RAD51B: variants seen among roughly 807,000 people sequenced by gnomAD.
RAD51B encodes the protein DNA repair protein RAD51 homolog 2.
In RAD51B, 38 loss-of-function variants were observed where a neutral mutation model predicts 42.2. That is an observed-to-expected ratio of 0.90 (90% CI 0.70 to 1.18). The LOEUF is 1.18. Ranked by LOEUF, RAD51B falls within the 50% of genes most tolerant of loss-of-function variation. The pLI, the probability that RAD51B is intolerant of heterozygous loss-of-function variation, is 0.00. For synonymous variants in RAD51B, 154 were observed against 145.2 expected, an observed-to-expected ratio of 1.06 and a Z score of -0.43; for missense variants, 373 against 400.7, an observed-to-expected ratio of 0.93 and a Z score of 0.59.
intron 8 of RAD51B, among the ~76,000 whole-genome samples, chr14:68,309,369 G>A (rs1291731918): frequency 6.6e-6 from 1 of 152,174 alleles, no homozygotes; most frequent in Non-Finnish European, 1.5e-5. Context: ...AGTGAAATGA[G>A]CCACAGAGGC....
At chr14:67,929,810 T>TG (rs1438259785) in intron 7 of RAD51B, among the ~76,000 whole-genome samples, 8 of 151,962 alleles carry the variant, frequency 5.3e-5, no homozygotes, top group African/African-American at 1.9e-4. Flanking sequence ...GTCTTTTTTT[T>TG]TTGTGTTTTT....
intron 10 of RAD51B, among the ~76,000 whole-genome samples, chr14:68,578,032 A>G (rs1461693838): frequency 6.6e-6 from 1 of 152,278 alleles, no homozygotes; most frequent in Non-Finnish European, 1.5e-5. Flanking sequence ...GTGCTTGTCA[A>G]CAGCACATTG....
At chr14:68,265,157 G>A (rs1051638439) in intron 7 of RAD51B, among the ~76,000 whole-genome samples, 4 of 152,152 alleles carry the variant, frequency 2.6e-5, no homozygotes, top group African/African-American at 4.8e-5. Flanking sequence ...ATCAACTTAC[G>A]ATAAACATTT....
chr14:67,861,976 G>GC (rs1367710749), intron 4 of RAD51B, among the ~76,000 whole-genome samples: 1 of 134,824 alleles, frequency 7.4e-6, no homozygotes, highest in Non-Finnish European at 1.5e-5. Context: ...TTCAGTCAGT[G>GC]GGGGGGAAGG....
At chr14:67,961,183 T>A (rs779434138) in intron 7 of RAD51B, among the ~76,000 whole-genome samples, 3 of 151,892 alleles carry the variant, frequency 2.0e-5, no homozygotes, top group Non-Finnish European at 4.4e-5. Flanking sequence ...ATTTTTTTAT[T>A]TTTATAGAGG....
intron 10 of RAD51B, among the ~76,000 whole-genome samples, chr14:68,512,333 G>A (rs970573029): frequency 6.6e-5 from 10 of 152,232 alleles, no homozygotes; most frequent in East Asian, 1.9e-4. Context: ...GGGTCTCTCC[G>A]TCTGTTTCTC....
intron 7 of RAD51B, among the ~76,000 whole-genome samples, chr14:68,156,496 T>TCTCTCTCTC (rs2078514069): frequency 6.8e-6 from 1 of 147,630 alleles, no homozygotes; most frequent in African/African-American, 2.5e-5. Context: ...TCTCTCTCTC[T>TCTCTCTCTC]GCCTTTATGA....
chr14:68,530,292 A>T (rs118040061), intron 10 of RAD51B, among the ~76,000 whole-genome samples: 70,214 of 150,976 alleles, frequency 0.47, 19,262 homozygotes, highest in Non-Finnish European at 0.61. Flanking sequence ...AAAAATTTAA[A>T]AAAAAAATGC....
intron 7 of RAD51B, among the ~76,000 whole-genome samples, chr14:68,027,692 G>A (rs1308201005): frequency 6.6e-6 from 1 of 152,076 alleles, no homozygotes; most frequent in African/African-American, 2.4e-5. Flanking sequence ...TAGAATTTCA[G>A]TTTGGTTCTT....
intron 7 of RAD51B, among the ~76,000 whole-genome samples, chr14:68,283,302 A>G (rs1293916497): frequency 6.6e-6 from 1 of 152,192 alleles, no homozygotes; most frequent in East Asian, 1.9e-4. Context: ...GTGGGCAGTG[A>G]TCAGGTAGCA....
At chr14:68,442,786 A>ATATTAT (rs112886411) in intron 9 of RAD51B, among the ~76,000 whole-genome samples, 22,347 of 150,518 alleles carry the variant, frequency 0.15, 2,197 homozygotes, top group Non-Finnish European at 0.22. Flanking sequence ...CTAACCTGTG[A>ATATTAT]TATTATTATT....
intron 7 of RAD51B, among the ~76,000 whole-genome samples, chr14:68,123,250 T>A (rs2077689290): frequency 6.7e-6 from 1 of 150,290 alleles, no homozygotes; most frequent in Admixed American, 6.6e-5. Context: ...TGCAGTGGCA[T>A]GATCATGGCT....
chr14:68,026,765 C>T (rs574701138), intron 7 of RAD51B, among the ~76,000 whole-genome samples: 1 of 152,236 alleles, frequency 6.6e-6, no homozygotes, highest in Non-Finnish European at 1.5e-5. Flanking sequence ...CTCTTAACAG[C>T]AGACGGTTGA....
chr14:67,841,076 AG>A (rs2041411519), intron 4 of RAD51B, among the ~76,000 whole-genome samples: 1 of 152,224 alleles, frequency 6.6e-6, no homozygotes, highest in African/African-American at 2.4e-5. Context: ...CTGAGATTAT[AG>A]GCATGAGCCA....
At chr14:68,482,330 T>C (rs1470295711), downstream of RAD51B, among the ~76,000 whole-genome samples, 1 of 152,124 alleles carries the variant, frequency 6.6e-6, no homozygotes, top group Non-Finnish European at 1.5e-5. Context: ...GGTGAACATT[T>C]TGGATTAACC....
intron 10 of RAD51B, among the ~76,000 whole-genome samples, chr14:68,635,024 T>G (rs942158722): frequency 1.3e-5 from 2 of 152,178 alleles, no homozygotes; most frequent in Non-Finnish European, 2.9e-5. Flanking sequence ...TCTGGGAGCC[T>G]CCGGTGACAG....
intron 7 of RAD51B, among the ~76,000 whole-genome samples, chr14:67,977,699 A>G (rs764465622): frequency 6.6e-6 from 1 of 152,260 alleles, no homozygotes; most frequent in Non-Finnish European, 1.5e-5. Context: ...GTTATTCACC[A>G]AGAAAAGTTA....
chr14:68,637,961 G>A (rs1892374994), intron 10 of RAD51B, among the ~76,000 whole-genome samples: 1 of 152,352 alleles, frequency 6.6e-6, no homozygotes, highest in Non-Finnish European at 1.5e-5. Flanking sequence ...TACCATAGCT[G>A]GGAACATTGC....
chr14:68,103,046 A>G (rs115333418), intron 7 of RAD51B, among the ~76,000 whole-genome samples: 3 of 152,130 alleles, frequency 2.0e-5, no homozygotes, highest in Admixed American at 2.0e-4. Context: ...TATCAGAAGA[A>G]CAGCATGGGG....
Sources: gnomAD v4.1 joint callset for allele counts (sites outside exome capture counted in the v4.1 genomes callset) on GRCh38, gnomAD v4.1.1 for gene constraint, MANE v1.5 for transcripts, NCBI Gene and HGNC (gene_info 2026-07-23, HGNC 2026-07-21) for gene names.